CDS1: variants seen among roughly 807,000 people sequenced by gnomAD.
CDS1 encodes the protein CDP-diacylglycerol synthase 1.
A neutral mutation model predicts 62.1 loss-of-function variants in CDS1; 41 were observed. The observed-to-expected ratio is 0.66, with a 90% CI of 0.51 to 0.86. CDS1 has a LOEUF of 0.86. Ranked by LOEUF, CDS1 falls within the 40% of genes least tolerant of loss-of-function variation. The pLI is 0.00. For synonymous variants in CDS1, 185 were observed against 192.6 expected (o/e 0.96, Z 0.32); for missense variants, 470 against 550.1 (o/e 0.85, Z 1.46).
intron 4 of CDS1, among the ~76,000 whole-genome samples, chr4:84,619,155 C>G (rs1723593208): frequency 6.6e-6 from 1 of 152,128 alleles, no homozygotes; most frequent in South Asian, 2.1e-4. Context: ...CTAATTATCT[C>G]TGGCATTAGA....
At chr4:84,595,722 C>T (rs1489511687) in intron 1 of CDS1, among the ~76,000 whole-genome samples, 1 of 152,200 alleles carries the variant, frequency 6.6e-6, no homozygotes, top group African/African-American at 2.4e-5. Context: ...AATAAGATCT[C>T]AGGTAAAAAA....
intron 1 of CDS1, among the ~76,000 whole-genome samples, chr4:84,591,321 G>A (rs139268317): frequency 2.7e-3 from 409 of 152,242 alleles, no homozygotes; most frequent in Middle Eastern, 0.02. Flanking sequence ...TTATTTCAGT[G>A]TAAAGAACAT....
At chr4:84,609,795 T>C (rs1014026235) in intron 3 of CDS1, among the ~76,000 whole-genome samples, 1 of 152,214 alleles carries the variant, frequency 6.6e-6, no homozygotes, top group African/African-American at 2.4e-5. Flanking sequence ...AAGCATATTT[T>C]ATCAAAGATA....
In CDS1 at chr4:84,625,531, G is replaced by A. The variant is rs1021095287; in HGVS notation, c.580+5998G>A. On this transcript the variant is annotated intron_variant, in intron 5 of 12. Transcript: ENST00000295887. ...AGCAAGCAGGCAGTTGCCAGGTATCGTATAGTAGAAAAGTCCATTCCAGGC... is the reference window on the plus strand; with the variant it reads ...AGCAAGCAGGCAGTTGCCAGGTATCATATAGTAGAAAAGTCCATTCCAGGC... Among the ~76,000 whole-genome samples, 9 of 152,110 alleles carry A rather than the reference G, an allele frequency of 5.9e-5. No individual in the cohort carries two copies. The South Asian group carries it at 6.2e-4, about 11-fold the overall frequency.
intron 5 of CDS1, among the ~76,000 whole-genome samples, chr4:84,627,627 G>A (rs910041968): frequency 5.3e-5 from 8 of 151,998 alleles, no homozygotes; most frequent in African/African-American, 1.9e-4. Context: ...TTTTTTGCTT[G>A]TATTTGTGCA....
chr4:84,617,942 T>C (rs1723550032), intron 4 of CDS1, among the ~76,000 whole-genome samples: 1 of 152,154 alleles, frequency 6.6e-6, no homozygotes. Flanking sequence ...AAACATTGTA[T>C]TGGAAACATT....
intron 1 of CDS1, among the ~76,000 whole-genome samples, chr4:84,599,621 C>G (rs1413932391): frequency 6.7e-6 from 1 of 150,274 alleles, no homozygotes; most frequent in African/African-American, 2.5e-5. Context: ...TAATATAATA[C>G]GTGTGTGTGT....
chr4:84,620,518 G>A lies in CDS1; in HGVS notation c.580+985G>A, dbSNP rs184012149. Among the ~76,000 whole-genome samples, 625 of 151,156 alleles carry A rather than the reference G, an allele frequency of 4.1e-3. 4 individuals are homozygous for A. The highest frequency in any genetic ancestry group is 0.015 in the African/African-American group (601 of 41,248). Reference sequence around the variant, plus strand: ...ATTACAGGCATGAGCCACCGCGCCTGGCCTAATTAGTTTTTTAGACATAGT... The same window carrying A: ...ATTACAGGCATGAGCCACCGCGCCTAGCCTAATTAGTTTTTTAGACATAGT... On this transcript the variant is annotated intron_variant, in intron 5 of 12. Transcript: ENST00000295887.
intron 5 of CDS1, among the ~76,000 whole-genome samples, chr4:84,631,089 A>G (rs1443580677): frequency 6.6e-6 from 1 of 152,230 alleles, no homozygotes; most frequent in African/African-American, 2.4e-5. Context: ...TACATTATTA[A>G]GAGTATTACA....
chr4:84,611,052 G>A (rs941144721), intron 3 of CDS1, among the ~76,000 whole-genome samples: 2 of 152,222 alleles, frequency 1.3e-5, no homozygotes, highest in African/African-American at 2.4e-5. Flanking sequence ...TGCCAAGCAC[G>A]TGGGCTGCAA....
At position 84,583,343 on chromosome 4, in the gene CDS1, C is replaced by A; in HGVS notation, c.-59C>A. 1 of 1,302,220 alleles carries A rather than the reference C, an allele frequency of 7.7e-7. No individual in the cohort carries two copies. The highest frequency in any genetic ancestry group is 1.1e-6 in the Non-Finnish European group (1 of 911,612). 80.7% of individuals were successfully genotyped at this position (1,302,220 alleles called of 1,614,324 possible). The stretch of plus-strand genomic sequence containing the variant: ...GGGGCGCCCCGCCTGCAGAACCCTG[C>A]TTGCAGCTCAGGTTTCGGGGTGCTT... On this transcript the variant is annotated 5_prime_UTR_variant, in exon 1 of 13. Coordinates refer to ENST00000295887, the MANE Select transcript of CDS1 (RefSeq NM_001263.4).
At chr4:84,624,305 C>A (rs1316159278) in intron 5 of CDS1, among the ~76,000 whole-genome samples, 37 of 143,044 alleles carry the variant, frequency 2.6e-4, no homozygotes, top group Non-Finnish European at 4.3e-4. Context: ...AAAAAAAAAA[C>A]TAGTTTTTTT....
At position 84,619,400 on chromosome 4, in the gene CDS1, T is replaced by C; in HGVS notation, c.447T>C (p.Phe149=). Reference sequence around the variant, plus strand: ...AATTGTTTTTAAATTATAGGTACTTTCTATTGTGTGTAAACTACTTTTTCT... The same window carrying C: ...AATTGTTTTTAAATTATAGGTACTTCCTATTGTGTGTAAACTACTTTTTCT... The part of the protein sequence containing the change: ...LPWFRTLSWY[F]LLCVNYFFYG... The change falls in exon 5 of 13, where the codon TTT becomes TTC. Residue 149 remains phenylalanine (F), a synonymous_variant. Coordinates refer to ENST00000295887, the MANE Select transcript of CDS1 (RefSeq NM_001263.4). The C allele has an allele frequency of 1.3e-6, 2 of 1,510,588 alleles. No homozygotes were observed. The allele number at this position is 1,510,588 out of a possible 1,614,324, so 93.6% of individuals were successfully genotyped here.
intron 5 of CDS1, among the ~76,000 whole-genome samples, chr4:84,622,869 G>A (rs1723734750): frequency 6.6e-6 from 1 of 151,998 alleles, no homozygotes; most frequent in South Asian, 2.1e-4. Context: ...GCATTAAGTA[G>A]GTACCTAAAA....
chr4:84,635,392 A>G (rs1405308822), intron 8 of CDS1, 41 bp downstream of exon 8: 5 of 932,176 alleles, frequency 5.4e-6, no homozygotes, highest in Non-Finnish European at 8.7e-6. Flanking sequence ...ATGTAACCTT[A>G]AAGATTAGCC....
At chr4:84,584,499 T>A (rs1722356445) in intron 1 of CDS1, among the ~76,000 whole-genome samples, 2 of 152,198 alleles carry the variant, frequency 1.3e-5, no homozygotes, top group African/African-American at 4.8e-5. Flanking sequence ...TTGCCCAAGG[T>A]CAAGTTCGTG....
intron 11 of CDS1, among the ~76,000 whole-genome samples, chr4:84,644,647 G>A (rs1224731219): frequency 6.6e-6 from 1 of 152,122 alleles, no homozygotes; most frequent in Non-Finnish European, 1.5e-5. Flanking sequence ...TAAAGGGTCA[G>A]TTTGCAGAGG....
intron 5 of CDS1, among the ~76,000 whole-genome samples, chr4:84,620,405 G>C (rs1330381855): frequency 1.3e-5 from 2 of 151,498 alleles, no homozygotes; most frequent in African/African-American, 4.8e-5. Context: ...TGTATTTTTA[G>C]TAGAGACGGG....
At chr4:84,589,132 T>TA (rs745525630) in intron 1 of CDS1, among the ~76,000 whole-genome samples, 1 of 152,204 alleles carries the variant, frequency 6.6e-6, no homozygotes, top group Non-Finnish European at 1.5e-5. Flanking sequence ...ACAGAAGCAT[T>TA]ACAAAGATTT....
Sources: gnomAD v4.1 joint callset for allele counts (sites outside exome capture counted in the v4.1 genomes callset) on GRCh38, gnomAD v4.1.1 for gene constraint, MANE v1.5 for transcripts, NCBI Gene and HGNC (gene_info 2026-07-23, HGNC 2026-07-21) for gene names.